Variants in TIAM1 observed in about 807,000 individuals in gnomAD.
The protein encoded by TIAM1 is rho guanine nucleotide exchange factor TIAM1.
Under a neutral mutation model 163.5 loss-of-function variants are expected in TIAM1, and 65 were observed. That is an observed-to-expected ratio of 0.40 (90% CI 0.33 to 0.49). The LOEUF is 0.49. TIAM1 is among the 20% of genes least tolerant of loss of function. The probability of loss-of-function intolerance (pLI) is 0.77; values close to 1 mark genes in which losing one functional copy is unlikely to be tolerated. For synonymous variants in TIAM1, 833 were observed against 810.1 expected, an observed-to-expected ratio of 1.03 and a Z score of -0.48; for missense variants, 1,789 against 2,044.7, an observed-to-expected ratio of 0.87 and a Z score of 2.41.
chr21:31,130,216 C>T lies in TIAM1; in HGVS notation c.4042G>A (p.Ala1348Thr), dbSNP rs769275298. 24 of 1,613,686 alleles carry T rather than the reference C, an allele frequency of 1.5e-5. No homozygotes were observed. Among genetic ancestry groups the T allele is most frequent in the Non-Finnish European group, 2.0e-5 (24 of 1,179,816 alleles). ...EALQVRALASADAEANAVCEI... is the reference protein window; with the variant it reads ...EALQVRALASTDAEANAVCEI... ...CCCAGCACAGGTGAGAGTTTACCTG[C>T]ACTCGCCAAAGCTCGAACCTGCAGC... The change falls in exon 25 of 28, where the codon GCA (alanine) becomes ACA (threonine). Residue 1348 changes from alanine (A) to threonine (T), a missense_variant. Around this residue, in one of 5 missense-constraint regions of TIAM1, gnomAD observed 415 missense variants for 439.2 expected, o/e 0.94. Transcript: ENST00000541036.
At chr21:31,225,606 T>A (rs899517471) in intron 7 of TIAM1, 120 bp downstream of exon 7, 3 of 770,942 alleles carry the variant, frequency 3.9e-6, no homozygotes, top group South Asian at 1.8e-5. Flanking sequence ...GCATCCTGGA[T>A]GACAGGCTGT....
At chr21:31,390,098 G>GT (rs1308750570) in intron 2 of TIAM1, among the ~76,000 whole-genome samples, 1 of 152,202 alleles carries the variant, frequency 6.6e-6, no homozygotes. Flanking sequence ...ATGAGGGAAC[G>GT]TGAGAGATTT....
intron 2 of TIAM1, among the ~76,000 whole-genome samples, chr21:31,411,958 C>T (rs932059340): frequency 6.6e-6 from 1 of 152,056 alleles, no homozygotes; most frequent in African/African-American, 2.4e-5. Context: ...GAAAAGAAAT[C>T]GTTATATCAG....
In TIAM1 at chr21:31,187,001, C is replaced by T; in HGVS notation, c.2662G>A (p.Gly888Ser). The change falls in exon 14 of 28, where the codon GGC (glycine) becomes AGC (serine). Residue 888 changes from glycine (G) to serine (S), a missense_variant and splice_region_variant. Transcript: ENST00000541036. Reference protein sequence around the residue: ...VKETGLASKKGLKAGDEILEI... With the variant: ...VKETGLASKKSLKAGDEILEI... The stretch of plus-strand genomic sequence containing the variant: ...GACCAGCCCTCCTTCACTGACTTAC[C>T]TTTCTTGGAAGCTAAACCGGTTTCC... 1 of 1,613,944 alleles carries T rather than the reference C, an allele frequency of 6.2e-7. No individual in the cohort carries two copies. The highest frequency in any genetic ancestry group is 2.2e-5 in the East Asian group (1 of 44,848).
intron 6 of TIAM1, among the ~76,000 whole-genome samples, chr21:31,235,647 A>G (rs748445443): frequency 3.3e-5 from 5 of 152,214 alleles, no homozygotes; most frequent in South Asian, 2.1e-4. Flanking sequence ...GAGGAAAATA[A>G]TTTCACTTTA....
chr21:31,261,705 T>C (rs1398210909), intron 4 of TIAM1, among the ~76,000 whole-genome samples: 1 of 135,096 alleles, frequency 7.4e-6, no homozygotes, highest in African/African-American at 2.8e-5. Context: ...AGAGTGAGAC[T>C]CCGTCTCAAA....
chr21:31,193,552 A>G (rs1001724385), intron 13 of TIAM1, among the ~76,000 whole-genome samples: 4 of 152,104 alleles, frequency 2.6e-5, no homozygotes, highest in Admixed American at 2.6e-4. Context: ...TGAAGCTCAC[A>G]CCTGGTTTCC....
At chr21:31,176,959 G>A (rs61239986) in intron 15 of TIAM1, among the ~76,000 whole-genome samples, 3,036 of 152,182 alleles carry the variant, frequency 0.02, 113 homozygotes, top group African/African-American at 0.07. Flanking sequence ...CTTTCTACTC[G>A]AGAAAGGAAA....
At chr21:31,209,372 G>A (rs2086611680) in intron 11 of TIAM1, among the ~76,000 whole-genome samples, 1 of 152,116 alleles carries the variant, frequency 6.6e-6, no homozygotes, top group African/African-American at 2.4e-5. Context: ...GCCCTTCACG[G>A]GGAAAAATGA....
intron 2 of TIAM1, among the ~76,000 whole-genome samples, chr21:31,313,702 G>A (rs2075011059): frequency 6.6e-6 from 1 of 152,120 alleles, no homozygotes; most frequent in Non-Finnish European, 1.5e-5. Flanking sequence ...AGCCTCCCAA[G>A]TAACTGGGAT....
chr21:31,522,288 C>T (rs1323903866), intron 1 of TIAM1, among the ~76,000 whole-genome samples: 1 of 151,460 alleles, frequency 6.6e-6, no homozygotes, highest in Non-Finnish European at 1.5e-5. Flanking sequence ...GGGCGGATCA[C>T]CTGAGGTCAA....
chr21:31,400,910 G>A (rs1052039368), intron 2 of TIAM1, among the ~76,000 whole-genome samples: 1 of 152,028 alleles, frequency 6.6e-6, no homozygotes, highest in Admixed American at 6.6e-5. Flanking sequence ...GACCAACATG[G>A]AGAAACCCCG....
chr21:31,361,660 T>C (rs2076408295), intron 2 of TIAM1, among the ~76,000 whole-genome samples: 1 of 152,174 alleles, frequency 6.6e-6, no homozygotes, highest in Admixed American at 6.5e-5. Flanking sequence ...GCTATAGATA[T>C]AAAATCTTGT....
chr21:31,126,124 T>C (rs2082187131), intron 26 of TIAM1, among the ~76,000 whole-genome samples: 1 of 152,198 alleles, frequency 6.6e-6, no homozygotes, highest in Non-Finnish European at 1.5e-5. Flanking sequence ...TCATGCTTGG[T>C]AAAGGTACCT....
At chr21:31,229,941 C>G (rs1016064278) in intron 6 of TIAM1, among the ~76,000 whole-genome samples, 1 of 152,208 alleles carries the variant, frequency 6.6e-6, no homozygotes, top group Non-Finnish European at 1.5e-5. Context: ...GCGTGAGCTA[C>G]CGCGCCCGGC....
At chr21:31,296,533 G>GA (rs1422719012) in intron 2 of TIAM1, among the ~76,000 whole-genome samples, 1 of 152,076 alleles carries the variant, frequency 6.6e-6, no homozygotes, top group African/African-American at 2.4e-5. Flanking sequence ...ATCCACAAGA[G>GA]AAAAAGATAA....
intron 2 of TIAM1, among the ~76,000 whole-genome samples, chr21:31,303,247 A>G (rs904269794): frequency 1.3e-5 from 2 of 152,212 alleles, no homozygotes; most frequent in African/African-American, 2.4e-5. Flanking sequence ...AAGAGAAGCC[A>G]AAGTTTTAAT....
chr21:31,139,013 A>G (rs1475070749), intron 22 of TIAM1, among the ~76,000 whole-genome samples: 2 of 152,106 alleles, frequency 1.3e-5, no homozygotes, highest in East Asian at 1.9e-4. Flanking sequence ...TCTTTTTACA[A>G]TCTCAGCCCA....
At chr21:31,180,661 ATG>A (rs1356515952) in intron 15 of TIAM1, among the ~76,000 whole-genome samples, 10 of 152,220 alleles carry the variant, frequency 6.6e-5, no homozygotes, top group Non-Finnish European at 1.5e-4. Context: ...CTAACATAAT[ATG>A]TCTCATTCAA....
Sources: allele counts gnomAD v4.1 joint callset (sites outside exome capture counted in the v4.1 genomes callset), GRCh38; gene constraint gnomAD v4.1.1; regional missense constraint gnomAD v4.1.1; transcripts MANE v1.5; gene names NCBI Gene and HGNC (gene_info 2026-07-23, HGNC 2026-07-21).